Variants in ATL3 observed in about 807,000 individuals in gnomAD.
ATL3 encodes atlastin GTPase 3.
In ATL3, 49 loss-of-function variants were observed where a neutral mutation model predicts 69.5. That is an observed-to-expected ratio of 0.71 (90% confidence interval 0.56 to 0.89). The LOEUF (loss-of-function observed/expected upper bound fraction) is 0.89. Among genes scored for constraint, ATL3 ranks in the 40% least tolerant of loss-of-function variants. The pLI is 0.00. For synonymous variants in ATL3, 214 were observed against 224.1 expected (o/e 0.95, Z 0.40); for missense variants, 606 against 645.7 (o/e 0.94, Z 0.67).
chr11:63,633,540 G>C (rs1939398581), intron 10 of ATL3, among the ~76,000 whole-genome samples: 1 of 151,794 alleles, frequency 6.6e-6, no homozygotes, highest in Admixed American at 6.6e-5. Flanking sequence ...CACCACGCTT[G>C]GCTAACTTTT....
intron 1 of ATL3, among the ~76,000 whole-genome samples, chr11:63,659,527 G>A (rs1940360026): frequency 6.6e-6 from 1 of 152,176 alleles, no homozygotes; most frequent in South Asian, 2.1e-4. Flanking sequence ...GGAGGCTGAG[G>A]CAGGAAGACT....
At chr11:63,630,514 T>G (rs1045789383) in intron 12 of ATL3, among the ~76,000 whole-genome samples, 1 of 151,552 alleles carries the variant, frequency 6.6e-6, no homozygotes, top group Non-Finnish European at 1.5e-5. Context: ...GGGCTATTTT[T>G]GGGCTGGGCA....
At chr11:63,671,423 A>T, upstream of ATL3, 1 of 1,515,436 alleles carries the variant, frequency 6.6e-7, no homozygotes, top group Non-Finnish European at 8.8e-7. Flanking sequence ...TGGAAGCGGG[A>T]AACGGGCGGA....
rs1939039178 is a variant in ATL3, at chr11:63,624,495, A to T, written c.*4824T>A. The T allele has an allele frequency of 6.6e-6, 1 of 152,168 alleles. No individual in the cohort carries two copies. Among genetic ancestry groups the T allele is most frequent in the Non-Finnish European group, 1.5e-5 (1 of 68,030 alleles). The allele number at this position is 152,168 out of a possible 1,614,324, so 9.4% of individuals were successfully genotyped here. A position where few individuals can be genotyped will look rare whatever the true frequency, so the allele number is the denominator to read the frequency against. On this transcript the variant is annotated 3_prime_UTR_variant, in exon 13 of 13. Transcript: ENST00000398868. Reference sequence around the variant, plus strand: ...AGATCTGTTTTGCAAAGTTTCTGATATGGGGTACTTAGGTCACTAATGACA... The same window carrying T: ...AGATCTGTTTTGCAAAGTTTCTGATTTGGGGTACTTAGGTCACTAATGACA...
chr11:63,666,185 G>GGCAT (rs1940567564), intron 1 of ATL3, among the ~76,000 whole-genome samples: 1 of 152,056 alleles, frequency 6.6e-6, no homozygotes, highest in Admixed American at 6.6e-5. Flanking sequence ...TGGGATTACA[G>GGCAT]GTACCCACCA....
intron 3 of ATL3, among the ~76,000 whole-genome samples, chr11:63,653,413 C>T (rs755179727): frequency 7.3e-5 from 11 of 151,252 alleles, no homozygotes; most frequent in African/African-American, 9.7e-5. Flanking sequence ...TGCAGTGAGC[C>T]GAGACCACAC....
chr11:63,636,742 G>A (rs369416809), intron 8 of ATL3, among the ~76,000 whole-genome samples: 25 of 142,828 alleles, frequency 1.8e-4, no homozygotes, highest in Non-Finnish European at 1.5e-4. Context: ...TCCATCTCAA[G>A]AAAAAAAAAA....
intron 5 of ATL3, among the ~76,000 whole-genome samples, chr11:63,650,216 G>A (rs970771199): frequency 2.6e-5 from 4 of 152,062 alleles, no homozygotes; most frequent in African/African-American, 9.7e-5. Flanking sequence ...TACAGAGTAA[G>A]CAATAAATAC....
chr11:63,630,400 C>T (rs979785214), intron 12 of ATL3, among the ~76,000 whole-genome samples: 1 of 137,464 alleles, frequency 7.3e-6, no homozygotes, highest in African/African-American at 2.7e-5. Flanking sequence ...TCACTCCAGC[C>T]TGGGCAAAAG....
chr11:63,671,645 G>T (rs753379703), upstream of ATL3: 54 of 1,408,410 alleles, frequency 3.8e-5, no homozygotes, highest in African/African-American at 7.0e-4. Flanking sequence ...CCTGTTGGCG[G>T]GGCGCTGAGT....
chr11:63,652,070 T>G lies in ATL3; in HGVS notation c.511-84A>C, dbSNP rs553867064. 3 of 1,526,998 alleles carry G rather than the reference T, an allele frequency of 2.0e-6. No individual in the cohort carries two copies. In the African/African-American group the frequency reaches 4.3e-5, roughly 22 times the overall value. 94.6% of individuals were successfully genotyped at this position (1,526,998 alleles called of 1,614,324 possible). A position where few individuals can be genotyped will look rare whatever the true frequency, so the allele number is the denominator to read the frequency against. ...AAGCCTAAAGGGCTGACAGAAGCTT[T>G]GAACAATTAAAGACTTGCATATAAG... On this transcript the variant is annotated intron_variant, in intron 4 of 12. Coordinates refer to ENST00000398868, the MANE Select transcript of ATL3 (RefSeq NM_015459.5).
intron 1 of ATL3, among the ~76,000 whole-genome samples, chr11:63,662,384 C>T (rs1940449143): frequency 6.6e-6 from 1 of 152,116 alleles, no homozygotes; most frequent in Non-Finnish European, 1.5e-5. Flanking sequence ...GTTAAAAGGA[C>T]ATAGTAATTT....
At chr11:63,633,972 T>A (rs1359128019) in intron 10 of ATL3, among the ~76,000 whole-genome samples, 2 of 143,820 alleles carry the variant, frequency 1.4e-5, no homozygotes, top group African/African-American at 2.6e-5. Flanking sequence ...GAGGTAGAGG[T>A]TGCAGTGAGC....
chr11:63,659,024 T>C lies in ATL3; in HGVS notation c.261+14A>G. 1 of 1,612,440 alleles carries C rather than the reference T, an allele frequency of 6.2e-7. No homozygotes were observed. Among genetic ancestry groups the C allele is most frequent in the African/African-American group, 1.3e-5 (1 of 74,990 alleles). On this transcript the variant is annotated intron_variant, in intron 2 of 12. Coordinates refer to ENST00000398868, the MANE Select transcript of ATL3 (RefSeq NM_015459.5). ...GTCTCACTTTTTACTTGAAATAAAA[T>C]AATTCTATCTTACCTGAGAATATAA...
chr11:63,629,733 T>C (rs565259018), intron 12 of ATL3, among the ~76,000 whole-genome samples: 2 of 152,232 alleles, frequency 1.3e-5, no homozygotes, highest in Non-Finnish European at 2.9e-5. Context: ...GTCCAAGAGC[T>C]ACTGGGTTAG....
At chr11:63,646,710 C>A in intron 5 of ATL3, 147 bp from the exon 6 acceptor site, 1 of 494,762 alleles carries the variant, frequency 2.0e-6, no homozygotes, top group East Asian at 3.8e-5. Flanking sequence ...TTAAAATCAT[C>A]TTGGTTATTC....
intron 12 of ATL3, 112 bp downstream of exon 12, chr11:63,630,928 G>C: frequency 1.0e-6 from 1 of 959,404 alleles, no homozygotes; most frequent in South Asian, 1.7e-5. Context: ...CAACGGAGTG[G>C]CCACTGTCTC....
chr11:63,631,281 C>G lies in ATL3; in HGVS notation c.1298G>C (p.Gly433Ala). The change falls in exon 12 of 13, where the codon GGT becomes GCT. Residue 433 changes from glycine (G) to alanine (A), a missense_variant. Coordinates refer to ENST00000398868, the MANE Select transcript of ATL3 (RefSeq NM_015459.5). ...ELYENFCKHNGSKNVFSTFRT... is the reference protein window; with the variant it reads ...ELYENFCKHNASKNVFSTFRT... ...GAAGGTGCTGAAGACGTTCTTGCTA[C>G]CATTGTGCTTGCAGAAGTTCTCATA... 1.2e-6 allele frequency: 2 copies of G among 1,614,212 alleles called. No homozygotes were observed. The highest frequency in any genetic ancestry group is 1.7e-6 in the Non-Finnish European group (2 of 1,180,040).
intron 1 of ATL3, among the ~76,000 whole-genome samples, chr11:63,665,363 AG>A (rs1475912433): frequency 6.7e-6 from 1 of 149,860 alleles, no homozygotes; most frequent in African/African-American, 2.5e-5. Context: ...AAAAAAAAAA[AG>A]AAGAATGTAT....
Sources: allele counts gnomAD v4.1 joint callset (sites outside exome capture counted in the v4.1 genomes callset), GRCh38; gene constraint gnomAD v4.1.1; transcripts MANE v1.5; gene names NCBI Gene and HGNC (gene_info 2026-07-23, HGNC 2026-07-21).